Variants in TTC19 observed in about 807,000 individuals in gnomAD.
The protein encoded by TTC19 is tetratricopeptide repeat protein 19, mitochondrial.
In TTC19, 38 loss-of-function variants were observed where a neutral mutation model predicts 49.5. The ratio of observed to expected loss-of-function variants is 0.77; its 90% confidence interval spans 0.59 to 1.01. The LOEUF is 1.01. Among genes scored for constraint, TTC19 ranks in the 50% least tolerant of loss-of-function variants. The pLI, the probability that TTC19 is intolerant of heterozygous loss-of-function variation, is 0.00. For synonymous variants in TTC19, 204 were observed against 185.2 expected, an observed-to-expected ratio of 1.10 and a Z score of -0.83; for missense variants, 475 against 477.7, an observed-to-expected ratio of 0.99 and a Z score of 0.05.
chr17:16,008,504 C>G (rs1231116020), intron 7 of TTC19, among the ~76,000 whole-genome samples: 2 of 152,150 alleles, frequency 1.3e-5, no homozygotes, highest in East Asian at 1.9e-4. Context: ...ATCCCATTAC[C>G]CTACTGCTTT....
intron 4 of TTC19, among the ~76,000 whole-genome samples, 175 bp downstream of exon 4, chr17:16,003,006 T>C (rs190634443): frequency 2.0e-5 from 3 of 152,328 alleles, no homozygotes; most frequent in African/African-American, 7.2e-5. Context: ...GGCTAAAGAC[T>C]GAAGGCAGAC....
chr17:16,027,521 A>G lies in TTC19; in HGVS notation c.1142A>G (p.Ter381=), dbSNP rs1442725062. The change falls in exon 10 of 10, where the codon TAA becomes TGA. Residue 381 remains the stop codon, a stop_retained_variant. Transcript: ENST00000261647. The part of the protein sequence containing the change: ...SRPLTNSVKL[*] ...CCTTTGACAAATTCTGTCAAGCTCT[A>G]AATCCATTTTTGTGTAGGGAGAATA... is the stretch of plus-strand genomic sequence containing the variant. 7.4e-6 allele frequency: 12 copies of G among 1,614,046 alleles called. No homozygotes were observed. Among genetic ancestry groups the G allele is most frequent in the Non-Finnish European group, 1.0e-5 (12 of 1,179,912 alleles).
At chr17:16,034,731 T>C in intron 2 of TTC19, 1 of 1,549,274 alleles carries the variant, frequency 6.5e-7, no homozygotes, top group Non-Finnish European at 8.8e-7. Flanking sequence ...ATTATTGCTC[T>C]GTCTCATTTT....
At chr17:16,024,636 A>G in intron 7 of TTC19, 1 of 285,088 alleles carries the variant, frequency 3.5e-6, no homozygotes. Context: ...TCAGCTTGTG[A>G]CTTTGCACTT....
Position 16,003,904 on chromosome 17 carries a change from G to C in TTC19, c.519+17G>C, listed in dbSNP as rs200590195. On this transcript the variant is annotated intron_variant, in intron 5 of 9. Transcript: ENST00000261647. ...ATGAAGCAGGTAAGGACATTGCCTA[G>C]TATTGGCCCCTCACTGAAGCAGTTT... is the stretch of plus-strand genomic sequence containing the variant. The C allele has an allele frequency of 6.3e-5, 101 of 1,612,480 alleles. No individual in the cohort carries two copies. Among genetic ancestry groups the C allele is most frequent in the Non-Finnish European group, 8.3e-5 (98 of 1,179,006 alleles).
At chr17:16,004,108 C>CT in intron 5 of TTC19, 93 bp from the exon 6 acceptor site, 1 of 1,315,004 alleles carries the variant, frequency 7.6e-7, no homozygotes, top group East Asian at 2.3e-5. Context: ...AAGACTGTGG[C>CT]TTTGAGGCCA....
chr17:16,005,893 A>T (rs575050506), intron 6 of TTC19, among the ~76,000 whole-genome samples: 1 of 152,274 alleles, frequency 6.6e-6, no homozygotes, highest in African/African-American at 2.4e-5. Context: ...TTAGTGGGAG[A>T]TGATGAATAC....
intron 7 of TTC19, among the ~76,000 whole-genome samples, chr17:16,022,116 G>A (rs113545264): frequency 6.6e-6 from 1 of 151,726 alleles, no homozygotes; most frequent in South Asian, 2.1e-4. Flanking sequence ...AATCATCCTG[G>A]TTTATGCATT....
chr17:16,007,114 AC>A (rs1233182956), intron 7 of TTC19, among the ~76,000 whole-genome samples: 1 of 152,214 alleles, frequency 6.6e-6, no homozygotes, highest in African/African-American at 2.4e-5. Flanking sequence ...CCTACTCTAT[AC>A]CAAGAGCTAC....
In TTC19 at chr17:16,003,846, A is replaced by C. The variant is rs797046058; in HGVS notation, c.478A>C (p.Lys160Gln). The C allele has an allele frequency of 6.8e-6, 11 of 1,614,026 alleles. No individual in the cohort carries two copies. The highest frequency in any genetic ancestry group is 6.8e-6 in the Non-Finnish European group (8 of 1,179,960). ...GQLENAEQLF[K>Q]ATMSYLLGGG... ...ATGCTTTTAGGCTGAACAACTTTTT[A>C]AAGCAACAATGAGTTACCTCCTTGG... The change falls in exon 5 of 10, where the codon AAA becomes CAA. Residue 160 changes from lysine to glutamine, a missense_variant. By Grantham distance (53) the Lys-to-Gln change is moderately conservative. Transcript: ENST00000261647.
At chr17:16,003,650 C>T (rs1970808473) in intron 4 of TTC19, among the ~76,000 whole-genome samples, 181 bp from the exon 5 acceptor site, 1 of 151,856 alleles carries the variant, frequency 6.6e-6, no homozygotes, top group Non-Finnish European at 1.5e-5. Context: ...GTTGAGGGTC[C>T]TGATATTTTG....
chr17:16,016,552 ATTTTTTT>A (rs769994419), intron 7 of TTC19, among the ~76,000 whole-genome samples: 24 of 94,054 alleles, frequency 2.6e-4, no homozygotes, highest in East Asian at 2.0e-3. Flanking sequence ...AGTTGTTCTA[ATTTTTTT>A]TTTTTTTTTT....
At chr17:16,037,454 A>G (rs1353027578) in intron 2 of TTC19, among the ~76,000 whole-genome samples, 1 of 152,204 alleles carries the variant, frequency 6.6e-6, no homozygotes, top group African/African-American at 2.4e-5. Flanking sequence ...TGCATTTAAA[A>G]GAAAGCCAGG....
intron 2 of TTC19, chr17:16,040,277 T>C (rs2057318152): frequency 1.4e-6 from 1 of 706,850 alleles, no homozygotes. Context: ...TCTCAGTTCC[T>C]TTCTGTGCTA....
intron 7 of TTC19, among the ~76,000 whole-genome samples, chr17:16,008,785 C>T (rs1970984181): frequency 6.6e-6 from 1 of 152,134 alleles, no homozygotes. Flanking sequence ...AACTCCCGTA[C>T]TTCACTCAGG....
In TTC19 at chr17:16,029,379, C is replaced by T. The variant is rs775164899; in HGVS notation, c.*1857C>T. On this transcript the variant is annotated 3_prime_UTR_variant, in exon 10 of 10. Transcript: ENST00000261647. The stretch of plus-strand genomic sequence containing the variant: ...AATTCAAAAGTGAATTGGTTAAAAT[C>T]GTGTCATTAAAATTTTTTAACTGTC... The T allele has an allele frequency of 3.3e-5, 11 of 336,286 alleles. No homozygotes were observed. The highest frequency in any genetic ancestry group is 8.7e-5 in the African/African-American group (4 of 45,828). The allele number at this position is 336,286 out of a possible 1,614,324, so 20.8% of individuals were successfully genotyped here.
At chr17:16,000,429 T>TC in intron 2 of TTC19, 184 bp downstream of exon 2, 1 of 1,446,184 alleles carries the variant, frequency 6.9e-7, no homozygotes, top group Non-Finnish European at 9.1e-7. Context: ...CTTTTCCGAC[T>TC]CTAAGGCCTG....
At chr17:16,011,349 T>A in intron 7 of TTC19, among the ~76,000 whole-genome samples, 1 of 152,150 alleles carries the variant, frequency 6.6e-6, no homozygotes, top group Non-Finnish European at 1.5e-5. Context: ...CCCGGCTAAT[T>A]TTGTATTTTT....
Position 16,028,907 on chromosome 17 carries a change from A to C in TTC19, c.*1385A>C, listed in dbSNP as rs1290972486. ...GGTCCAAATCCTCAGGGATTAGACT[A>C]AAACTAGAGTTTTGTATGTTGCAGA... On this transcript the variant is annotated 3_prime_UTR_variant, in exon 10 of 10. Coordinates refer to ENST00000261647, the MANE Select transcript of TTC19 (RefSeq NM_017775.4). 4.7e-6 allele frequency: 2 copies of C among 422,520 alleles called. No homozygotes were observed. The highest frequency in any genetic ancestry group is 3.5e-5 in the South Asian group (2 of 56,428). 26.2% of individuals were successfully genotyped at this position (422,520 alleles called of 1,614,324 possible).
Sources: gnomAD v4.1 joint callset for allele counts (sites outside exome capture counted in the v4.1 genomes callset) on GRCh38, gnomAD v4.1.1 for gene constraint, MANE v1.5 for transcripts, NCBI Gene and HGNC (gene_info 2026-07-23, HGNC 2026-07-21) for gene names.